FBLN5: variants seen among roughly 807,000 people sequenced by gnomAD.
FBLN5 encodes the protein fibulin 5.
FBLN5 carries 24 observed loss-of-function variants against 61.6 expected under a neutral mutation model. The observed-to-expected ratio is 0.39, with a 90% CI of 0.28 to 0.55. The LOEUF is 0.55. Ranked by LOEUF, FBLN5 falls within the 20% of genes least tolerant of loss-of-function variation. The probability of loss-of-function intolerance (pLI) is 0.65; values close to 1 mark genes in which losing one functional copy is unlikely to be tolerated. For synonymous variants in FBLN5, 213 were observed against 219.8 expected, an observed-to-expected ratio of 0.97 and a Z score of 0.27; for missense variants, 470 against 594.1, an observed-to-expected ratio of 0.79 and a Z score of 2.17.
chr14:91,929,054 T>C (rs1031222734), intron 4 of FBLN5, among the ~76,000 whole-genome samples: 11 of 147,102 alleles, frequency 7.5e-5, no homozygotes, highest in Non-Finnish European at 1.6e-4. Context: ...TGAGACTCCA[T>C]CTCAAAAAAA....
chr14:91,876,119 T>C (rs544083137), intron 10 of FBLN5, among the ~76,000 whole-genome samples: 5 of 152,268 alleles, frequency 3.3e-5, no homozygotes, highest in African/African-American at 1.2e-4. Flanking sequence ...CATCACACAA[T>C]TGTGAAATTG....
In FBLN5 at chr14:91,895,461, C is replaced by G. The variant is rs1307679850; in HGVS notation, c.380-389G>C. 2.6e-5 allele frequency among the ~76,000 whole-genome samples: 4 copies of G among 152,126 alleles called. No homozygotes were observed. In the East Asian group the frequency reaches 5.8e-4, roughly 22 times the overall value. On this transcript the variant is annotated intron_variant, in intron 4 of 10. Coordinates refer to ENST00000342058, the MANE Select transcript of FBLN5 (RefSeq NM_006329.4). ...GGGTCTGCTGCGTACCTACTGTGTG[C>G]ACAGGACTATGATAAACACCACTGA...
intron 4 of FBLN5, among the ~76,000 whole-genome samples, chr14:91,901,444 G>A (rs1279294138): frequency 6.6e-6 from 1 of 152,196 alleles, no homozygotes; most frequent in East Asian, 1.9e-4. Flanking sequence ...TTTACCCAGT[G>A]AAATAACATG....
At chr14:91,909,010 C>T (rs1002361473) in intron 4 of FBLN5, among the ~76,000 whole-genome samples, 28 of 151,996 alleles carry the variant, frequency 1.8e-4, no homozygotes, top group African/African-American at 6.3e-4. Flanking sequence ...CTTCACCTCC[C>T]GGGTTCACGC....
At chr14:91,880,750 C>A (rs747209990) in intron 9 of FBLN5, among the ~76,000 whole-genome samples, 2 of 152,006 alleles carry the variant, frequency 1.3e-5, no homozygotes, top group African/African-American at 2.4e-5. Flanking sequence ...GGGGTTTCAC[C>A]ATGTTGGCCA....
intron 4 of FBLN5, among the ~76,000 whole-genome samples, chr14:91,916,363 C>A (rs978621536): frequency 2.0e-5 from 3 of 152,170 alleles, no homozygotes; most frequent in Non-Finnish European, 4.4e-5. Context: ...CAGAGAATCG[C>A]TTGAACGTGG....
chr14:91,871,581 G>C (rs1001484962), intron 10 of FBLN5, among the ~76,000 whole-genome samples: 1 of 152,160 alleles, frequency 6.6e-6, no homozygotes, highest in Non-Finnish European at 1.5e-5. Flanking sequence ...AAAATGGCCA[G>C]GCACCATGGC....
chr14:91,896,130 G>A (rs1294377623), intron 4 of FBLN5, among the ~76,000 whole-genome samples: 2 of 152,176 alleles, frequency 1.3e-5, no homozygotes, highest in East Asian at 1.9e-4. Context: ...AAAACTGTTT[G>A]TTGAAACTGA....
At chr14:91,910,759 A>C (rs1268859872) in intron 4 of FBLN5, among the ~76,000 whole-genome samples, 1 of 152,090 alleles carries the variant, frequency 6.6e-6, no homozygotes, top group Non-Finnish European at 1.5e-5. Flanking sequence ...TTCAAGCATC[A>C]CGGAATCAGG....
chr14:91,905,159 G>A (rs888633630), intron 4 of FBLN5, among the ~76,000 whole-genome samples: 8 of 152,078 alleles, frequency 5.3e-5, no homozygotes, highest in Admixed American at 4.6e-4. Flanking sequence ...AAATACGCAC[G>A]TGCACCCTTC....
rs2056140494 is a variant in FBLN5 at position 91,943,579 on chromosome 14, T to C, written c.18-618A>G. ...CCAGTTCCTTGGTCTTTATTCTTTA[T>C]GCGAGATGTGCTTGACTTTTGAACA... On this transcript the variant is annotated intron_variant, in intron 1 of 10. Transcript: ENST00000342058. The surrounding 1 kb of genome is among the most constrained non-coding windows in gnomAD (Gnocchi z 4.0). Among the ~76,000 whole-genome samples, 1 of 152,100 alleles carries C rather than the reference T, an allele frequency of 6.6e-6. No homozygotes were observed. The highest frequency in any genetic ancestry group is 1.5e-5 in the Non-Finnish European group (1 of 68,022).
chr14:91,901,768 C>T (rs1396501468), intron 4 of FBLN5, among the ~76,000 whole-genome samples: 2 of 152,244 alleles, frequency 1.3e-5, no homozygotes, highest in African/African-American at 2.4e-5. Flanking sequence ...TCTGTGTTTA[C>T]AGCACTTTCC....
chr14:91,901,245 G>A (rs1338527828), intron 4 of FBLN5, among the ~76,000 whole-genome samples: 1 of 152,146 alleles, frequency 6.6e-6, no homozygotes, highest in Non-Finnish European at 1.5e-5. Flanking sequence ...CTGACTTTGT[G>A]AGCCTGTGTA....
At chr14:91,887,781 G>C (rs1168756488) in intron 6 of FBLN5, among the ~76,000 whole-genome samples, 1 of 152,062 alleles carries the variant, frequency 6.6e-6, no homozygotes, top group Non-Finnish European at 1.5e-5. Context: ...TTGCTCATTA[G>C]GGAAGGATCC....
At chr14:91,900,989 A>C (rs1211116568) in intron 4 of FBLN5, among the ~76,000 whole-genome samples, 4 of 152,182 alleles carry the variant, frequency 2.6e-5, no homozygotes, top group Non-Finnish European at 4.4e-5. Flanking sequence ...CTCCCCCTTG[A>C]GCCCCAGGCA....
At chr14:91,877,726 A>G in intron 9 of FBLN5, 44 bp from the exon 10 acceptor site, 1 of 1,520,242 alleles carries the variant, frequency 6.6e-7, no homozygotes, top group South Asian at 1.1e-5. Context: ...AATCCATTCC[A>G]GGTGCTGGCT....
intron 5 of FBLN5, among the ~76,000 whole-genome samples, chr14:91,893,488 G>A (rs898943273): frequency 6.6e-6 from 1 of 152,218 alleles, no homozygotes; most frequent in African/African-American, 2.4e-5. Flanking sequence ...AACTTAGAAA[G>A]AGGTAGCTTT....
chr14:91,882,935 C>T lies in FBLN5; in HGVS notation c.862+19G>A, dbSNP rs368974639. ...ACCTCACACATACACCCCAGCCAGG[C>T]CCCTCCGGACAGCCTTACCTTGGCA... On this transcript the variant is annotated intron_variant, in intron 8 of 10. Transcript: ENST00000342058. This position sits in a 1 kb window ranked among gnomAD's most constrained non-coding sequence, Gnocchi z 4.9. 3 of 1,612,874 alleles carry T rather than the reference C, an allele frequency of 1.9e-6. No individual in the cohort carries two copies. Among genetic ancestry groups the T allele is most frequent in the African/African-American group, 2.7e-5 (2 of 74,892 alleles).
At chr14:91,878,629 C>A (rs552272679) in intron 9 of FBLN5, among the ~76,000 whole-genome samples, 13 of 152,326 alleles carry the variant, frequency 8.5e-5, no homozygotes, top group African/African-American at 3.1e-4. Flanking sequence ...CCAACCATCT[C>A]CAGTGCCTTC....
Sources: allele counts gnomAD v4.1 joint callset (sites outside exome capture counted in the v4.1 genomes callset), GRCh38; gene constraint gnomAD v4.1.1; non-coding constraint Gnocchi (gnomAD v3.1); transcripts MANE v1.5; gene names NCBI Gene and HGNC (gene_info 2026-07-23, HGNC 2026-07-21).